The following CCDC148 variants were observed in gnomAD, a reference collection of about 807,000 sequenced individuals.
CCDC148 encodes coiled-coil domain containing 148.
CCDC148 carries 89 observed loss-of-function variants against 85.7 expected under a neutral mutation model. The observed-to-expected ratio is 1.04, with a 90% CI of 0.87 to 1.24. CCDC148 has a LOEUF of 1.24. Ranked by LOEUF, CCDC148 falls within the 50% of genes most tolerant of loss-of-function variation. The probability of loss-of-function intolerance (pLI) is 0.00; values close to 1 mark genes in which losing one functional copy is unlikely to be tolerated. For synonymous variants in CCDC148, 230 were observed against 213.9 expected (o/e 1.08, Z -0.66); for missense variants, 692 against 671.7 (o/e 1.03, Z -0.33).
rs188015862 is a variant in CCDC148 at position 158,206,130 on chromosome 2, T to A, written c.1370+14465A>T. Among the ~76,000 whole-genome samples, 715 of 152,274 alleles carry A rather than the reference T, an allele frequency of 4.7e-3. 3 individuals are homozygous for A. Among genetic ancestry groups the A allele is most frequent in the Middle Eastern group, 0.017 (5 of 294 alleles). ...TTCCTCACAAGAACCATATAAGGTA[T>A]GTATTTTTTTAACCTCTGTTTCATA... On this transcript the variant is annotated intron_variant, in intron 11 of 13. Transcript: ENST00000283233.
Position 158,309,547 on chromosome 2 carries a change from A to G in CCDC148, c.996T>C (p.Phe332=), listed in dbSNP as rs1400025929. 1.1e-5 allele frequency: 18 copies of G among 1,613,830 alleles called. No individual in the cohort carries two copies. The highest frequency in any genetic ancestry group is 1.5e-5 in the Non-Finnish European group (18 of 1,179,712). ...ISNWNKNKKD[F]IQKAVLTLTE... ...TGAGTGTCAGCACAGCCTTCTGTAT[A>G]AAGTCTTTCTTATTTTTATTCCAAT... The change falls in exon 9 of 14, where the codon TTT becomes TTC. Residue 332 remains phenylalanine (F), a synonymous_variant. Transcript: ENST00000283233.
At chr2:158,236,088 A>G (rs1487484315) in intron 10 of CCDC148, 1 of 152,254 alleles carries the variant, frequency 6.6e-6, no homozygotes, top group African/African-American at 2.4e-5. Context: ...ATCCAGCACT[A>G]AAGTATTAAT....
At chr2:158,372,852 T>C (rs1684503961) in intron 1 of CCDC148, among the ~76,000 whole-genome samples, 1 of 151,964 alleles carries the variant, frequency 6.6e-6, no homozygotes, top group Admixed American at 6.6e-5. Flanking sequence ...CCTATTACCT[T>C]ATTTGTACTT....
At chr2:158,265,732 G>C (rs1224517097) in intron 9 of CCDC148, among the ~76,000 whole-genome samples, 23 of 151,904 alleles carry the variant, frequency 1.5e-4, no homozygotes, top group Admixed American at 1.5e-3. Context: ...CAAATCCTTG[G>C]CTCCAGATCC....
intron 1 of CCDC148, among the ~76,000 whole-genome samples, chr2:158,422,477 C>T (rs112715055): frequency 0.092 from 13,968 of 152,092 alleles, 692 homozygotes; most frequent in African/African-American, 0.12. Flanking sequence ...GAACCAAAGA[C>T]AAATCCACAT....
At chr2:158,392,096 C>T (rs1685334596) in intron 1 of CCDC148, among the ~76,000 whole-genome samples, 1 of 152,276 alleles carries the variant, frequency 6.6e-6, no homozygotes, top group South Asian at 2.1e-4. Context: ...CTTCCTGCAT[C>T]TGAGTCATCA....
At chr2:158,435,456 T>C (rs1454607834) in intron 1 of CCDC148, among the ~76,000 whole-genome samples, 1 of 152,138 alleles carries the variant, frequency 6.6e-6, no homozygotes, top group African/African-American at 2.4e-5. Flanking sequence ...CAGTCCTGCC[T>C]TACAAGAGCT....
chr2:158,349,101 T>C (rs539979391), intron 2 of CCDC148, among the ~76,000 whole-genome samples: 64 of 152,168 alleles, frequency 4.2e-4, no homozygotes, highest in African/African-American at 1.3e-3. Flanking sequence ...ACAGTGATTA[T>C]ATAGATGACC....
chr2:158,268,327 A>G (rs1689560059), intron 9 of CCDC148, among the ~76,000 whole-genome samples: 1 of 151,934 alleles, frequency 6.6e-6, no homozygotes, highest in South Asian at 2.1e-4. Context: ...AATATCTTAC[A>G]CCTCCTTTAA....
At chr2:158,244,211 C>A (rs376637322) in intron 10 of CCDC148, among the ~76,000 whole-genome samples, 1 of 152,118 alleles carries the variant, frequency 6.6e-6, no homozygotes, top group African/African-American at 2.4e-5. Context: ...TGCATTTTTA[C>A]GTATTTGTTA....
intron 3 of CCDC148, among the ~76,000 whole-genome samples, chr2:158,342,098 C>A (rs1267170175): frequency 7.4e-6 from 1 of 135,452 alleles, no homozygotes; most frequent in African/African-American, 2.8e-5. Flanking sequence ...GGCGTGATCT[C>A]GACTCATTGC....
chr2:158,266,254 G>A (rs901351319), intron 9 of CCDC148, among the ~76,000 whole-genome samples: 2 of 152,050 alleles, frequency 1.3e-5, no homozygotes, highest in Admixed American at 6.6e-5. Context: ...GACAGGTGGT[G>A]GTTGGGACTA....
chr2:158,391,629 G>T (rs1039143211), intron 1 of CCDC148, among the ~76,000 whole-genome samples: 7 of 152,114 alleles, frequency 4.6e-5, no homozygotes, highest in Non-Finnish European at 8.8e-5. Context: ...AACATCCAAG[G>T]ATAAGTAATT....
intron 8 of CCDC148, among the ~76,000 whole-genome samples, chr2:158,311,011 C>A (rs1457192228): frequency 6.6e-6 from 1 of 152,004 alleles, no homozygotes; most frequent in Non-Finnish European, 1.5e-5. Flanking sequence ...GGCAGAGGGG[C>A]TCCTCACATC....
At chr2:158,440,478 G>A (rs2111879) in intron 1 of CCDC148, among the ~76,000 whole-genome samples, 76,451 of 151,822 alleles carry the variant, frequency 0.5, 20,110 homozygotes, top group South Asian at 0.73. Flanking sequence ...ATAGTCCCCC[G>A]TTATTCTCAG....
chr2:158,375,781 C>A (rs1684625075), intron 1 of CCDC148, among the ~76,000 whole-genome samples: 1 of 152,138 alleles, frequency 6.6e-6, no homozygotes, highest in South Asian at 2.1e-4. Context: ...TTATTCCTTG[C>A]CCTTTCTCCT....
intron 1 of CCDC148, among the ~76,000 whole-genome samples, chr2:158,435,272 A>G (rs1048838789): frequency 1.3e-5 from 2 of 152,220 alleles, no homozygotes; most frequent in African/African-American, 4.8e-5. Flanking sequence ...GACTAATAGC[A>G]GATCTCTCGG....
chr2:158,242,669 C>T (rs760583482), intron 10 of CCDC148, among the ~76,000 whole-genome samples: 1 of 143,286 alleles, frequency 7.0e-6, no homozygotes, highest in Non-Finnish European at 1.5e-5. Context: ...CATGGCTCTT[C>T]TTCATCTTTA....
intron 1 of CCDC148, chr2:158,419,821 A>G (rs928397281): frequency 5.3e-5 from 8 of 152,314 alleles, no homozygotes; most frequent in African/African-American, 1.9e-4. Flanking sequence ...TACAATCTAT[A>G]CAGTTGAAAG....
Sources: allele counts gnomAD v4.1 joint callset (sites outside exome capture counted in the v4.1 genomes callset), GRCh38; gene constraint gnomAD v4.1.1; transcripts MANE v1.5; gene names NCBI Gene and HGNC (gene_info 2026-07-23, HGNC 2026-07-21).